MFSD2A: variants seen among roughly 807,000 people sequenced by gnomAD.
MFSD2A encodes the protein sodium-dependent lysophosphatidylcholine symporter 1.
In MFSD2A, 27 loss-of-function variants were observed where a neutral mutation model predicts 64.7. The ratio of observed to expected loss-of-function variants is 0.42; its 90% CI spans 0.31 to 0.58. The LOEUF is 0.58. Among genes scored for constraint, MFSD2A ranks in the 20% least tolerant of loss-of-function variants. The pLI, the probability that MFSD2A is intolerant of heterozygous loss-of-function variation, is 0.18. For missense variants in MFSD2A, 474 were observed against 679.5 expected (o/e 0.70, Z 3.36); for synonymous variants, 258 against 273.4 (o/e 0.94, Z 0.55).
chr1:39,957,514 G>A (rs939023701), intron 2 of MFSD2A, among the ~76,000 whole-genome samples: 1 of 152,226 alleles, frequency 6.6e-6, no homozygotes, highest in African/African-American at 2.4e-5. Context: ...GGGGCCTGCT[G>A]GGGATGCTGT....
At position 39,968,605 on chromosome 1, in the gene MFSD2A, G is replaced by A. The variant is rs746252230; in HGVS notation, c.1389G>A (p.Pro463=). 18 of 1,613,982 alleles carry A rather than the reference G, an allele frequency of 1.1e-5. No homozygotes were observed. Among genetic ancestry groups the A allele is most frequent in the Admixed American group, 3.3e-5 (2 of 59,996 alleles). ...AGYQTRGCSQ[P]ERVKFTLNML... ...ACCAGACCCGTGGCTGCTCGCAGCC[G>A]GAACGTGTCAAGTTTACACTGAACA... The change falls in exon 13 of 14, where the codon CCG becomes CCA. Residue 463 remains proline (P), a synonymous_variant. Transcript: ENST00000372811. The surrounding 1 kb of genome is among the most constrained non-coding windows in gnomAD (Gnocchi z 4.4).
At chr1:39,966,743 T>A (rs1413720543) in intron 7 of MFSD2A, 52 bp downstream of exon 7, 1 of 1,613,482 alleles carries the variant, frequency 6.2e-7, no homozygotes, top group Non-Finnish European at 8.5e-7. Flanking sequence ...CAGCTGTATC[T>A]TTCTGCCTGG....
At position 39,963,490 on chromosome 1, in the gene MFSD2A, T is replaced by C. The variant is rs778887674; in HGVS notation, c.354-1721T>C. 1.8e-4 allele frequency: 87 copies of C among 472,648 alleles called. No individual in the cohort carries two copies. Among genetic ancestry groups the C allele is most frequent in the Non-Finnish European group, 2.8e-4 (74 of 266,988 alleles). 29.3% of individuals were successfully genotyped at this position (472,648 alleles called of 1,614,324 possible). ...CAGAGTCTTGCTATGTTGCACAGGC[T>C]GGACTCAAACTCCTGGGGAAAAGCA... On this transcript the variant is annotated intron_variant, in intron 3 of 13. Coordinates refer to ENST00000372811, the MANE Select transcript of MFSD2A (RefSeq NM_032793.5). The surrounding 1 kb of genome is among the most constrained non-coding windows in gnomAD (Gnocchi z 4.2).
chr1:39,957,093 C>T lies in MFSD2A; in HGVS notation c.100C>T (p.Pro34Ser). 6.2e-7 allele frequency: 1 copy of T among 1,614,046 alleles called. No individual in the cohort carries two copies. The change falls in exon 2 of 14, where the codon CCG (proline) becomes TCG (serine). Residue 34 changes from proline (P) to serine (S), a missense_variant. By Grantham distance (74) the Pro-to-Ser change is moderately conservative. Coordinates refer to ENST00000372811, the MANE Select transcript of MFSD2A (RefSeq NM_032793.5). Reference protein sequence around the residue: ...TERPAQVKKEPKKKKQQLSVC... With the variant: ...TERPAQVKKESKKKKQQLSVC... ...CTTTTCCTCCTCTTCCCAGAAAGAA[C>T]CGAAAAAGAAGAAACAACAGTTGTC...
intron 3 of MFSD2A, chr1:39,962,656 G>T (rs3131700): frequency 0.56 from 458,153 of 812,644 alleles, 136,131 homozygotes; most frequent in East Asian, 0.96. Context: ...CGGGGCCGGG[G>T]TCATGGCCGT....
In MFSD2A at chr1:39,963,306, G is replaced by T; in HGVS notation, c.354-1905G>T. ...TAAGACCTACAGCTACCTGACCCCC[G>T]ACCTCTGGAAGGAGACTGTATTCAC... On this transcript the variant is annotated intron_variant, in intron 3 of 13. Transcript: ENST00000372811. The surrounding 1 kb of genome is among the most constrained non-coding windows in gnomAD (Gnocchi z 4.2). The T allele has an allele frequency of 2.3e-6, 3 of 1,316,210 alleles. No homozygotes were observed. Among genetic ancestry groups the T allele is most frequent in the Non-Finnish European group, 2.1e-6 (2 of 934,446 alleles). 81.5% of individuals were successfully genotyped at this position (1,316,210 alleles called of 1,614,324 possible).
chr1:39,966,247 A>G (rs1262138470), intron 6 of MFSD2A, among the ~76,000 whole-genome samples: 1 of 152,178 alleles, frequency 6.6e-6, no homozygotes, highest in African/African-American at 2.4e-5. Flanking sequence ...ATTTGGGAAG[A>G]TTTGAATTCT....
Position 39,955,552 on chromosome 1 carries a change from G to A in MFSD2A, c.93+167G>A. The A allele has an allele frequency of 1.3e-6, 1 of 780,744 alleles. No individual in the cohort carries two copies. Among genetic ancestry groups the A allele is most frequent in the Non-Finnish European group, 2.2e-6 (1 of 460,676 alleles). 48.4% of individuals were successfully genotyped at this position (780,744 alleles called of 1,614,324 possible). The stretch of plus-strand genomic sequence containing the variant: ...GGGTGCCCTGGGACAGGGGGTGACG[G>A]AGAAAAGCTGTGGGCGCCCTCGCCC... On this transcript the variant is annotated intron_variant, in intron 1 of 13. Coordinates refer to ENST00000372811, the MANE Select transcript of MFSD2A (RefSeq NM_032793.5). The surrounding 1 kb of genome is among the most constrained non-coding windows in gnomAD (Gnocchi z 5.9).
In MFSD2A at chr1:39,968,805, T is replaced by G; in HGVS notation, c.1529+60T>G. On this transcript the variant is annotated intron_variant, in intron 13 of 13. Transcript: ENST00000372811. This position sits in a 1 kb window ranked among gnomAD's most constrained non-coding sequence, Gnocchi z 4.4. ...GACGTCACTGTGTCTAAACCCTCAA[T>G]TTGTGTCTCCTGTGGCCAAGTCCAG... 1 of 1,587,704 alleles carries G rather than the reference T, an allele frequency of 6.3e-7. No individual in the cohort carries two copies. Among genetic ancestry groups the G allele is most frequent in the East Asian group, 2.2e-5 (1 of 44,650 alleles).
chr1:39,958,587 C>A lies in MFSD2A; in HGVS notation c.229-114C>A. On this transcript the variant is annotated intron_variant, in intron 2 of 13. Transcript: ENST00000372811. This position sits in a 1 kb window ranked among gnomAD's most constrained non-coding sequence, Gnocchi z 4.7. ...GTGTAAGGTCCATGTGGGAGCAGCTCAGGGTCACAAGATCCTGGCTGAGAT... is the reference window on the plus strand; with the variant it reads ...GTGTAAGGTCCATGTGGGAGCAGCTAAGGGTCACAAGATCCTGGCTGAGAT... 1 of 1,556,682 alleles carries A rather than the reference C, an allele frequency of 6.4e-7. No homozygotes were observed. The highest frequency in any genetic ancestry group is 1.1e-5 in the South Asian group (1 of 89,110).
At position 39,964,746 on chromosome 1, in the gene MFSD2A, G is replaced by GGTGTGTGTGAATGGGGTGTGT. The variant is rs1346827636; in HGVS notation, c.354-451_354-431dup. ...GTGTGAATGATGTGTGTGTGAATGAGGTGTGTGTGAATGGGGTGTGTGTGT... is the reference window on the plus strand; with the variant it reads ...GTGTGAATGATGTGTGTGTGAATGAGGTGTGTGTGAATGGGGTGTGTGTGTGTGTGAATGGGGTGTGTGTGT... On this transcript the variant is annotated intron_variant, in intron 3 of 13. Transcript: ENST00000372811. This position sits in a 1 kb window ranked among gnomAD's most constrained non-coding sequence, Gnocchi z 4.1. The GGTGTGTGTGAATGGGGTGTGT allele has an allele frequency of 5.9e-6, 1 of 170,478 alleles. No homozygotes were observed. Among genetic ancestry groups the GGTGTGTGTGAATGGGGTGTGT allele is most frequent in the African/African-American group, 2.7e-5 (1 of 37,596 alleles). 10.6% of individuals were successfully genotyped at this position (170,478 alleles called of 1,614,324 possible). A position where few individuals can be genotyped will look rare whatever the true frequency, so the allele number is the denominator to read the frequency against.
Position 39,969,931 on chromosome 1 carries a change from T to C in MFSD2A, c.*363T>C, listed in dbSNP as rs940436992. On this transcript the variant is annotated 3_prime_UTR_variant, in exon 14 of 14. Coordinates refer to ENST00000372811, the MANE Select transcript of MFSD2A (RefSeq NM_032793.5). ...ATATGTCTGTGAGCTATTAATGTTA[T>C]TAATTTTCATAAAAGCTGGAAAGCA... 1.9e-5 allele frequency: 4 copies of C among 216,186 alleles called. No individual in the cohort carries two copies. Among genetic ancestry groups the C allele is most frequent in the Admixed American group, 1.8e-4 (3 of 16,656 alleles). The allele number at this position is 216,186 out of a possible 1,614,324, so 13.4% of individuals were successfully genotyped here.
In MFSD2A at chr1:39,965,243, C is replaced by T. The variant is rs1471165795; in HGVS notation, c.386C>T (p.Ala129Val). Reference protein sequence around the residue: ...IIFSTPLAVIAYFLIWFVPDF... With the variant: ...IIFSTPLAVIVYFLIWFVPDF... ...TTCTCCACGCCCCTGGCCGTCATTG[C>T]CTACTTCCTCATCTGGTTCGTGCCC... is the stretch of plus-strand genomic sequence containing the variant. The change falls in exon 4 of 14, where the codon GCC becomes GTC. Residue 129 changes from alanine (A) to valine (V), a missense_variant. By Grantham distance (64) the Ala-to-Val change is moderately conservative. Coordinates refer to ENST00000372811, the MANE Select transcript of MFSD2A (RefSeq NM_032793.5). This position sits in a 1 kb window ranked among gnomAD's most constrained non-coding sequence, Gnocchi z 5.5. 1.9e-6 allele frequency: 3 copies of T among 1,614,048 alleles called. No individual in the cohort carries two copies. Among genetic ancestry groups the T allele is most frequent in the African/African-American group, 1.3e-5 (1 of 74,912 alleles).
Position 39,956,992 on chromosome 1 carries a change from C to A in MFSD2A, c.94-95C>A. ...ACAGGTCAAAGCAGAGTTGTTTGTTCTGGTAGAGCTGGCCAGAGGGATGGT... is the reference window on the plus strand; with the variant it reads ...ACAGGTCAAAGCAGAGTTGTTTGTTATGGTAGAGCTGGCCAGAGGGATGGT... On this transcript the variant is annotated intron_variant, in intron 1 of 13. Transcript: ENST00000372811. 7.4e-5 allele frequency: 78 copies of A among 1,059,862 alleles called. No homozygotes were observed. In the Middle Eastern group the frequency reaches 9.3e-4, roughly 13 times the overall value. 65.7% of individuals were successfully genotyped at this position (1,059,862 alleles called of 1,614,324 possible). A position where few individuals can be genotyped will look rare whatever the true frequency, so the allele number is the denominator to read the frequency against.
At chr1:39,966,100 G>A in intron 6 of MFSD2A, 86 bp downstream of exon 6, 1 of 1,459,528 alleles carries the variant, frequency 6.9e-7, no homozygotes. Flanking sequence ...AACAGCTAGT[G>A]TTTATTAAAT....
At chr1:39,966,365 C>G (rs533476947) in intron 6 of MFSD2A, among the ~76,000 whole-genome samples, 1 of 152,134 alleles carries the variant, frequency 6.6e-6, no homozygotes, top group Non-Finnish European at 1.5e-5. Context: ...CCTGGGATTA[C>G]AGGTGTGAGG....
At chr1:39,962,523 GCTT>G (rs1192502317) in intron 3 of MFSD2A, among the ~76,000 whole-genome samples, 5 of 152,262 alleles carry the variant, frequency 3.3e-5, no homozygotes, top group African/African-American at 4.8e-5. Context: ...ATGTTTACGA[GCTT>G]CTTCTCCGAG....
In MFSD2A at chr1:39,968,187, A is replaced by T; in HGVS notation, c.1209-147A>T. On this transcript the variant is annotated intron_variant, in intron 11 of 13. Coordinates refer to ENST00000372811, the MANE Select transcript of MFSD2A (RefSeq NM_032793.5). This position sits in a 1 kb window ranked among gnomAD's most constrained non-coding sequence, Gnocchi z 4.4. ...CAGGGTTACTTCCTCTTAGAGCAAGAGGCCTTTTCTTATTCATGTGAAGGT... is the reference window on the plus strand; with the variant it reads ...CAGGGTTACTTCCTCTTAGAGCAAGTGGCCTTTTCTTATTCATGTGAAGGT... 1.1e-6 allele frequency: 1 copy of T among 932,852 alleles called. No homozygotes were observed. Among genetic ancestry groups the T allele is most frequent in the Non-Finnish European group, 1.6e-6 (1 of 626,532 alleles). The allele number at this position is 932,852 out of a possible 1,614,324, so 57.8% of individuals were successfully genotyped here.
chr1:39,962,913 A>G, intron 3 of MFSD2A: 6 of 1,578,562 alleles, frequency 3.8e-6, no homozygotes, highest in African/African-American at 1.3e-5. Context: ...CCAGCGCACC[A>G]GGTTCAAGGC....
Sources: gnomAD v4.1 joint callset for allele counts (sites outside exome capture counted in the v4.1 genomes callset) on GRCh38, gnomAD v4.1.1 for gene constraint, Gnocchi (gnomAD v3.1) non-coding constraint, MANE v1.5 for transcripts, NCBI Gene and HGNC (gene_info 2026-07-23, HGNC 2026-07-21) for gene names.